MCMBP: variants seen among roughly 807,000 people sequenced by gnomAD.
MCMBP encodes minichromosome maintenance complex binding protein.
MCMBP carries 31 observed loss-of-function variants against 81.3 expected under a neutral mutation model. The ratio of observed to expected loss-of-function variants is 0.38; its 90% CI spans 0.29 to 0.51. MCMBP has a LOEUF of 0.51. Ranked by LOEUF, MCMBP falls within the 20% of genes least tolerant of loss-of-function variation. MCMBP has a pLI of 0.87. For missense variants in MCMBP, 645 were observed against 772.1 expected, an observed-to-expected ratio of 0.84 and a Z score of 1.95; for synonymous variants, 267 against 275.9, an observed-to-expected ratio of 0.97 and a Z score of 0.32.
intron 14 of MCMBP, 50 bp downstream of exon 14, chr10:119,835,490 G>A (rs1315560324): frequency 2.7e-6 from 4 of 1,491,098 alleles, no homozygotes; most frequent in East Asian, 2.3e-5. Flanking sequence ...TAAATTGGTT[G>A]CATACTGCAA....
chr10:119,853,269 A>G, intron 5 of MCMBP, 75 bp from the exon 6 acceptor site: 1 of 1,445,654 alleles, frequency 6.9e-7, no homozygotes, highest in Non-Finnish European at 9.4e-7. Flanking sequence ...TATGACTTAT[A>G]AAAAATTACT....
At chr10:119,835,411 C>T (rs1389153516) in intron 14 of MCMBP, 129 bp downstream of exon 14, 3 of 808,890 alleles carry the variant, frequency 3.7e-6, no homozygotes, top group East Asian at 5.3e-5. Flanking sequence ...AATGGAGTAA[C>T]AGAGGAATAA....
chr10:119,832,974 T>C (rs11597794), intron 14 of MCMBP, among the ~76,000 whole-genome samples: 25 of 152,160 alleles, frequency 1.6e-4, no homozygotes, highest in Non-Finnish European at 2.6e-4. Flanking sequence ...TCAGAGACCA[T>C]AGCTCCCACC....
chr10:119,833,825 GAAAT>G (rs1298136044), intron 14 of MCMBP, among the ~76,000 whole-genome samples: 3 of 151,738 alleles, frequency 2.0e-5, no homozygotes, highest in Non-Finnish European at 2.9e-5. Flanking sequence ...AACATTCAAA[GAAAT>G]AAAGGAAACC....
chr10:119,846,134 C>T (rs547999272), intron 8 of MCMBP, among the ~76,000 whole-genome samples: 7 of 152,054 alleles, frequency 4.6e-5, no homozygotes, highest in East Asian at 3.9e-4. Flanking sequence ...TCAAAGCATA[C>T]GATGAAGCTG....
intron 1 of MCMBP, among the ~76,000 whole-genome samples, chr10:119,869,610 T>C (rs1453299761): frequency 1.3e-5 from 2 of 151,492 alleles, no homozygotes; most frequent in East Asian, 1.9e-4. Context: ...GGCAGGCACT[T>C]GTAATCCCAG....
chr10:119,857,097 CAAAA>C (rs34331152), intron 5 of MCMBP, among the ~76,000 whole-genome samples: 5 of 82,488 alleles, frequency 6.1e-5, no homozygotes, highest in African/African-American at 5.1e-5. Context: ...GTCCCTATCT[CAAAA>C]AAAAAAAAAA....
At chr10:119,835,315 G>A (rs1717433715) in intron 14 of MCMBP, among the ~76,000 whole-genome samples, 1 of 152,014 alleles carries the variant, frequency 6.6e-6, no homozygotes. Flanking sequence ...ATCCCCCAAA[G>A]ACAACTACTA....
At chr10:119,872,409 T>G in intron 1 of MCMBP, 118 bp downstream of exon 1, 1 of 506,874 alleles carries the variant, frequency 2.0e-6, no homozygotes, top group Non-Finnish European at 2.8e-6. Flanking sequence ...CGGGGCCCCG[T>G]CTCGGGCCAC....
intron 13 of MCMBP, 93 bp downstream of exon 13, chr10:119,836,803 T>A: frequency 2.4e-5 from 9 of 368,760 alleles, no homozygotes; most frequent in South Asian, 7.7e-5. Context: ...TTACAACAAA[T>A]GTAACTTATT....
At chr10:119,831,845 G>C (rs1014960055) in intron 15 of MCMBP, among the ~76,000 whole-genome samples, 167 bp downstream of exon 15, 3 of 152,208 alleles carry the variant, frequency 2.0e-5, no homozygotes, top group Non-Finnish European at 4.4e-5. Flanking sequence ...CCACTGAAGA[G>C]ATCACCAGCC....
At position 119,832,161 on chromosome 10, in the gene MCMBP, G is replaced by A. The variant is rs112076819; in HGVS notation, c.1708-61C>T. 271 of 1,486,214 alleles carry A rather than the reference G, an allele frequency of 1.8e-4. 1 individual carries two copies. The African/African-American group carries it at 3.2e-3, about 17-fold the overall frequency. 92.1% of individuals were successfully genotyped at this position (1,486,214 alleles called of 1,614,324 possible). A position where few individuals can be genotyped will look rare whatever the true frequency, so the allele number is the denominator to read the frequency against. On this transcript the variant is annotated intron_variant, in intron 14 of 15. Transcript: ENST00000369077. ...TTTGTAAGGAAAAGAAAATTAACAT[G>A]GTTCCTTGACTGATGTAGTAAGGTG...
At chr10:119,832,189 T>TG in intron 14 of MCMBP, 89 bp from the exon 15 acceptor site, 1 of 1,145,132 alleles carries the variant, frequency 8.7e-7, no homozygotes, top group Non-Finnish European at 1.2e-6. Flanking sequence ...GTAAGGTGCA[T>TG]GTCAGCCTCT....
intron 15 of MCMBP, 62 bp downstream of exon 15, chr10:119,831,950 A>G (rs1225906248): frequency 5.5e-6 from 8 of 1,450,310 alleles, no homozygotes; most frequent in Non-Finnish European, 7.5e-6. Flanking sequence ...TTACTGCTGA[A>G]TAACTCAGAA....
intron 8 of MCMBP, among the ~76,000 whole-genome samples, chr10:119,846,987 TTTA>T (rs551703312): frequency 8.4e-4 from 127 of 152,020 alleles, no homozygotes; most frequent in Middle Eastern, 3.4e-3. Flanking sequence ...GTTATTTAGG[TTTA>T]TGTTTTGTAA....
At chr10:119,833,118 G>A (rs1325872882) in intron 14 of MCMBP, among the ~76,000 whole-genome samples, 2 of 152,150 alleles carry the variant, frequency 1.3e-5, no homozygotes, top group African/African-American at 4.8e-5. Context: ...CGTAGACTGG[G>A]AGACTACTAC....
chr10:119,863,654 A>G (rs896433910), intron 1 of MCMBP, among the ~76,000 whole-genome samples: 6 of 131,152 alleles, frequency 4.6e-5, no homozygotes, highest in Non-Finnish European at 7.8e-5. Context: ...GCTTGAACCC[A>G]GGAGGCGGAG....
Position 119,849,439 on chromosome 10 carries a change from C to A in MCMBP, c.712G>T (p.Ala238Ser). The change falls in exon 7 of 16, where the codon GCA becomes TCA. Residue 238 changes from alanine (A) to serine (S), a missense_variant. Ala to Ser is a moderately conservative substitution (Grantham distance 99). Transcript: ENST00000369077. The part of the protein sequence containing the change: ...NFPLPGEKGP[A>S]CLVKVYEDWD... ...GGTTTTATTACCTTCACAAGGCATG[C>A]AGGGCCCTTCTCTCCTGGCAATGGA... 2.5e-6 allele frequency: 4 copies of A among 1,610,052 alleles called. No individual in the cohort carries two copies. The highest frequency in any genetic ancestry group is 3.4e-6 in the Non-Finnish European group (4 of 1,178,730).
intron 1 of MCMBP, among the ~76,000 whole-genome samples, chr10:119,871,305 G>GC (rs1442039079): frequency 3.3e-5 from 5 of 151,560 alleles, no homozygotes; most frequent in East Asian, 1.9e-4. Context: ...AGAAATATAT[G>GC]CCCCTTCCTC....
Sources: allele counts gnomAD v4.1 joint callset (sites outside exome capture counted in the v4.1 genomes callset), GRCh38; gene constraint gnomAD v4.1.1; transcripts MANE v1.5; gene names NCBI Gene and HGNC (gene_info 2026-07-23, HGNC 2026-07-21).